Variants in IQCH observed in about 807,000 individuals in gnomAD.
The protein encoded by IQCH is IQ motif containing H, also known as IQ domain-containing protein H.
A neutral mutation model predicts 117.0 loss-of-function variants in IQCH; 98 were observed. The ratio of observed to expected loss-of-function variants is 0.84; its 90% CI spans 0.71 to 0.99. The LOEUF (loss-of-function observed/expected upper bound fraction) is 0.99, where lower values mean the gene tolerates loss of function less well. IQCH is among the 50% of genes least tolerant of loss of function. The pLI is 0.00. For missense variants in IQCH, 1,102 were observed against 1,243.8 expected (o/e 0.89, Z 1.72); for synonymous variants, 412 against 448.2 (o/e 0.92, Z 1.02).
chr15:67,309,981 G>A (rs1402502534), intron 4 of IQCH, among the ~76,000 whole-genome samples: 2 of 150,266 alleles, frequency 1.3e-5, no homozygotes, highest in Admixed American at 6.7e-5. Context: ...TACCTAATAA[G>A]GTTCTTACCT....
rs758149730 is a variant in IQCH at position 67,357,441 on chromosome 15, T to C, written c.714+20T>C. The stretch of plus-strand genomic sequence containing the variant: ...TCAAAGGTATTTATATTCCTCACTA[T>C]AGAAAGAAAATTATTCTTATTTACA... On this transcript the variant is annotated intron_variant, in intron 7 of 20. Coordinates refer to ENST00000335894, the MANE Select transcript of IQCH (RefSeq NM_001031715.3). 9.6e-6 allele frequency: 14 copies of C among 1,459,714 alleles called. No individual in the cohort carries two copies. The South Asian group carries it at 1.5e-4, about 15-fold the overall frequency. The allele number at this position is 1,459,714 out of a possible 1,614,324, so 90.4% of individuals were successfully genotyped here. A position where few individuals can be genotyped will look rare whatever the true frequency, so the allele number is the denominator to read the frequency against.
intron 4 of IQCH, among the ~76,000 whole-genome samples, chr15:67,288,215 C>T (rs1966633463): frequency 1.3e-5 from 2 of 152,064 alleles, no homozygotes; most frequent in African/African-American, 4.8e-5. Context: ...ATAGAGCCTT[C>T]TGCAGCCATG....
chr15:67,266,619 T>C (rs1596061759), intron 3 of IQCH, among the ~76,000 whole-genome samples: 1 of 152,286 alleles, frequency 6.6e-6, no homozygotes, highest in East Asian at 1.9e-4. Flanking sequence ...ATTGTGCCAC[T>C]GCACTCCAGC....
chr15:67,267,412 C>T (rs1272171358), intron 3 of IQCH, among the ~76,000 whole-genome samples: 1 of 152,180 alleles, frequency 6.6e-6, no homozygotes, highest in Non-Finnish European at 1.5e-5. Flanking sequence ...ATGATTTGTC[C>T]TTGGAATCTC....
chr15:67,363,068 C>G (rs1225941909), intron 8 of IQCH, among the ~76,000 whole-genome samples: 5 of 152,102 alleles, frequency 3.3e-5, no homozygotes, highest in African/African-American at 1.2e-4. Flanking sequence ...AAACAAGATT[C>G]AAAAGCAAGT....
rs1332226855 is a variant in IQCH at position 67,496,225 on chromosome 15, G to A, written c.2970+1859G>A. ...CCAGCTACTTGGGGGGCTGAGGTGG[G>A]AGAATCATTTGAGCCTGGGAGGTTG... On this transcript the variant is annotated intron_variant, in intron 20 of 20. Coordinates refer to ENST00000335894, the MANE Select transcript of IQCH (RefSeq NM_001031715.3). The surrounding 1 kb of genome is among the most constrained non-coding windows in gnomAD (Gnocchi z 4.4). Among the ~76,000 whole-genome samples, 1 of 152,168 alleles carries A rather than the reference G, an allele frequency of 6.6e-6. No individual in the cohort carries two copies. The highest frequency in any genetic ancestry group is 1.9e-4 in the East Asian group (1 of 5,202).
chr15:67,400,491 C>CTTTTCTTTTCTTTT lies in IQCH; in HGVS notation c.2097+190_2097+191insCTTTTCTTTTTTTT, dbSNP rs776111763. Among the ~76,000 whole-genome samples, 78 of 115,572 alleles carry CTTTTCTTTTCTTTT rather than the reference C, an allele frequency of 6.7e-4. 2 individuals are homozygous for CTTTTCTTTTCTTTT. Among genetic ancestry groups the CTTTTCTTTTCTTTT allele is most frequent in the Non-Finnish European group, 9.8e-4 (57 of 57,970 alleles). 75.8% of individuals were successfully genotyped at this position (115,572 alleles called of 152,430 possible). On this transcript the variant is annotated intron_variant, in intron 14 of 20. Transcript: ENST00000335894. ...TGGGATTGACTGAGTTCTTTTTTTT[C>CTTTTCTTTTCTTTT]TTTTTTTTTTTGAGATGGGGCCTCA... is the stretch of plus-strand genomic sequence containing the variant.
At chr15:67,331,269 A>G (rs1235135530) in intron 4 of IQCH, among the ~76,000 whole-genome samples, 2 of 152,202 alleles carry the variant, frequency 1.3e-5, no homozygotes, top group Non-Finnish European at 2.9e-5. Context: ...AAGGAGCAGA[A>G]GGAATTTTCT....
rs1318203688 is a variant in IQCH at position 67,369,897 on chromosome 15, T to C, written c.754-2214T>C. 6.6e-6 allele frequency among the ~76,000 whole-genome samples: 1 copy of C among 152,210 alleles called. No homozygotes were observed. The highest frequency in any genetic ancestry group is 2.4e-5 in the African/African-American group (1 of 41,456). On this transcript the variant is annotated intron_variant, in intron 8 of 20. Coordinates refer to ENST00000335894, the MANE Select transcript of IQCH (RefSeq NM_001031715.3). This position sits in a 1 kb window ranked among gnomAD's most constrained non-coding sequence, Gnocchi z 5.2. ...AGATGTACTACAGTTATGCTTTAGC[T>C]GACTCCAAACCGATAGCTTCCCAGT...
rs1971419503 is a variant in IQCH at position 67,395,112 on chromosome 15, G to A, written c.1633-179G>A. ...AGCCTATTTCCAACACACTAAAGAT[G>A]TGAGCGATTATGGAACCTCACCCCA... On this transcript the variant is annotated intron_variant, in intron 12 of 20. Coordinates refer to ENST00000335894, the MANE Select transcript of IQCH (RefSeq NM_001031715.3). This position sits in a 1 kb window ranked among gnomAD's most constrained non-coding sequence, Gnocchi z 4.0. Among the ~76,000 whole-genome samples the A allele has an allele frequency of 6.6e-6, 1 of 152,080 alleles. No homozygotes were observed. Among genetic ancestry groups the A allele is most frequent in the African/African-American group, 2.4e-5 (1 of 41,396 alleles).
intron 3 of IQCH, 132 bp from the exon 4 acceptor site, chr15:67,279,263 A>G (rs1966251369): frequency 1.7e-6 from 1 of 592,274 alleles, no homozygotes; most frequent in Non-Finnish European, 3.0e-6. Flanking sequence ...GATTGGTTTA[A>G]TTTATTGTAA....
intron 4 of IQCH, among the ~76,000 whole-genome samples, chr15:67,330,706 C>A (rs1968628527): frequency 6.6e-6 from 1 of 152,198 alleles, no homozygotes; most frequent in Admixed American, 6.5e-5. Flanking sequence ...GAAGCAGTGA[C>A]ATGCATTTTT....
At chr15:67,373,225 G>T (rs1970615281) in intron 9 of IQCH, 142 bp from the exon 10 acceptor site, 4 of 566,542 alleles carry the variant, frequency 7.1e-6, no homozygotes, top group Non-Finnish European at 1.2e-5. Context: ...AATTAATTGG[G>T]GAAGATGTTT....
rs140357554 is a variant in IQCH at position 67,414,599 on chromosome 15, G to A, written c.2098-2332G>A. On this transcript the variant is annotated intron_variant, in intron 14 of 20. Coordinates refer to ENST00000335894, the MANE Select transcript of IQCH (RefSeq NM_001031715.3). ...AAGGAGATCTCCTTTCAAGATTTAC[G>A]TGGCAAGGGTTTTACCTGCTCCTTC... is the stretch of plus-strand genomic sequence containing the variant. Among the ~76,000 whole-genome samples the A allele has an allele frequency of 4.2e-3, 631 of 151,078 alleles. 4 individuals carry two copies. Among genetic ancestry groups the A allele is most frequent in the African/African-American group, 0.013 (533 of 41,168 alleles).
At position 67,493,101 on chromosome 15, in the gene IQCH, G is replaced by A. The variant is rs1947957086; in HGVS notation, c.2862-1157G>A. ...TTATTGCTATTCACACATCCTTCAG[G>A]GAGGGCACAGTTGACATGGACCTCT... On this transcript the variant is annotated intron_variant, in intron 19 of 20. Coordinates refer to ENST00000335894, the MANE Select transcript of IQCH (RefSeq NM_001031715.3). This position sits in a 1 kb window ranked among gnomAD's most constrained non-coding sequence, Gnocchi z 5.1. Among the ~76,000 whole-genome samples the A allele has an allele frequency of 6.6e-6, 1 of 152,138 alleles. No homozygotes were observed. Among genetic ancestry groups the A allele is most frequent in the Admixed American group, 6.5e-5 (1 of 15,268 alleles).
chr15:67,261,124 C>T (rs570411501), intron 1 of IQCH, 148 bp from the exon 2 acceptor site: 8 of 460,212 alleles, frequency 1.7e-5, no homozygotes, highest in South Asian at 9.5e-5. Context: ...GCCTTACAAC[C>T]GTAAAAGTGG....
At chr15:67,442,311 G>A (rs2082290165) in intron 16 of IQCH, among the ~76,000 whole-genome samples, 1 of 152,060 alleles carries the variant, frequency 6.6e-6, no homozygotes, top group African/African-American at 2.4e-5. Context: ...TCGGGAGGCT[G>A]AGGCAGGAGA....
In IQCH at chr15:67,432,374, TA is replaced by T. The variant is rs528030844; in HGVS notation, c.2505+10806del. ...CTAAATACAGAATATCAGCCTAGAATAAAAAAAAATCTGAAAATATTTTCAT... is the reference window on the plus strand; with the variant it reads ...CTAAATACAGAATATCAGCCTAGAATAAAAAAAATCTGAAAATATTTTCAT... On this transcript the variant is annotated intron_variant, in intron 16 of 20. Transcript: ENST00000335894. This position sits in a 1 kb window ranked among gnomAD's most constrained non-coding sequence, Gnocchi z 5.0. Among the ~76,000 whole-genome samples, 2 of 151,844 alleles carry T rather than the reference TA, an allele frequency of 1.3e-5. No individual in the cohort carries two copies. Among genetic ancestry groups the T allele is most frequent in the Admixed American group, 6.6e-5 (1 of 15,236 alleles).
At chr15:67,409,935 A>G in intron 14 of IQCH, among the ~76,000 whole-genome samples, 1 of 152,218 alleles carries the variant, frequency 6.6e-6, no homozygotes, top group Admixed American at 6.5e-5. Context: ...CAGTCCTTAA[A>G]CTTTAAGTAG....
Sources: allele counts gnomAD v4.1 joint callset (sites outside exome capture counted in the v4.1 genomes callset), GRCh38; gene constraint gnomAD v4.1.1; non-coding constraint Gnocchi (gnomAD v3.1); transcripts MANE v1.5; gene names NCBI Gene and HGNC (gene_info 2026-07-23, HGNC 2026-07-21).